CACNA2D3: variants seen among roughly 807,000 people sequenced by gnomAD.
CACNA2D3 encodes the protein calcium voltage-gated channel auxiliary subunit alpha2delta 3.
Under a neutral mutation model 160.6 loss-of-function variants are expected in CACNA2D3, and 60 were observed. The observed-to-expected ratio is 0.37, with a 90% CI of 0.30 to 0.46. The LOEUF is 0.46. CACNA2D3 is among the 20% of genes least tolerant of loss of function. CACNA2D3 has a pLI of 1.00. For synonymous variants in CACNA2D3, 558 were observed against 492.9 expected, an observed-to-expected ratio of 1.13 and a Z score of -1.75; for missense variants, 1,205 against 1,365.0, an observed-to-expected ratio of 0.88 and a Z score of 1.85.
intron 2 of CACNA2D3, among the ~76,000 whole-genome samples, chr3:54,244,722 A>C (rs1468627461): frequency 6.6e-6 from 1 of 152,264 alleles, no homozygotes; most frequent in Non-Finnish European, 1.5e-5. Context: ...CAAACATTTT[A>C]ATATTTAAAT....
chr3:54,182,775 C>T (rs1700806263), intron 2 of CACNA2D3, among the ~76,000 whole-genome samples: 1 of 152,152 alleles, frequency 6.6e-6, no homozygotes, highest in South Asian at 2.1e-4. Flanking sequence ...ATGGCAGAAA[C>T]TGCTTATCAT....
At chr3:54,309,716 C>G (rs1478631856) in intron 2 of CACNA2D3, among the ~76,000 whole-genome samples, 1 of 151,972 alleles carries the variant, frequency 6.6e-6, no homozygotes, top group Non-Finnish European at 1.5e-5. Flanking sequence ...GTCATTTAGA[C>G]CACACCGTTC....
intron 27 of CACNA2D3, chr3:54,925,262 G>A: frequency 6.7e-7 from 1 of 1,486,642 alleles, no homozygotes; most frequent in Middle Eastern, 1.7e-4. Context: ...TTTGTGAGGT[G>A]TGGTATCAGC....
At chr3:54,894,173 C>CT (rs1408058419) in intron 25 of CACNA2D3, among the ~76,000 whole-genome samples, 1 of 152,194 alleles carries the variant, frequency 6.6e-6, no homozygotes, top group Non-Finnish European at 1.5e-5. Flanking sequence ...CAGGAGGAGA[C>CT]TTTCACCTTA....
At chr3:54,764,464 T>C (rs545039619) in intron 13 of CACNA2D3, 113 bp downstream of exon 13, 1 of 1,319,582 alleles carries the variant, frequency 7.6e-7, no homozygotes, top group African/African-American at 1.5e-5. Flanking sequence ...CAGTGACACT[T>C]TTCTTGATTG....
rs187315657 is a variant in CACNA2D3 at position 54,766,734 on chromosome 3, C to G, written c.1380+2383C>G. Among the ~76,000 whole-genome samples, 191 of 152,068 alleles carry G rather than the reference C, an allele frequency of 1.3e-3. 1 individual carries two copies. Among genetic ancestry groups the G allele is most frequent in the Non-Finnish European group, 1.3e-3 (89 of 67,980 alleles). On this transcript the variant is annotated intron_variant, in intron 13 of 37. Coordinates refer to ENST00000474759, the MANE Select transcript of CACNA2D3 (RefSeq NM_018398.3). ...GATTGAATAGACTATGGTACCTACACCTAATGGAGTCAATATTAAAAACAA... is the reference window on the plus strand; with the variant it reads ...GATTGAATAGACTATGGTACCTACAGCTAATGGAGTCAATATTAAAAACAA...
Position 55,019,775 on chromosome 3 carries a change from C to T in CACNA2D3, c.2987+1458C>T, listed in dbSNP as rs1442900399. ...TTGTTGCACTATACTTCTGACACAT[C>T]GTTAAATAAAAGCGATGAGATTAGG... On this transcript the variant is annotated intron_variant, in intron 35 of 37. Transcript: ENST00000474759. Among the ~76,000 whole-genome samples the T allele has an allele frequency of 7.2e-5, 11 of 152,092 alleles. No individual in the cohort carries two copies. In the East Asian group the frequency reaches 1.9e-3, roughly 27 times the overall value.
chr3:54,472,532 C>G (rs1700752257), intron 4 of CACNA2D3, among the ~76,000 whole-genome samples: 1 of 152,126 alleles, frequency 6.6e-6, no homozygotes, highest in South Asian at 2.1e-4. Flanking sequence ...GAAGTTCTGG[C>G]TAGGGCAGTC....
At chr3:54,467,412 G>A (rs773944142) in intron 4 of CACNA2D3, among the ~76,000 whole-genome samples, 1 of 152,202 alleles carries the variant, frequency 6.6e-6, no homozygotes, top group African/African-American at 2.4e-5. Flanking sequence ...GAGAAGCTCA[G>A]GGATTGCCAA....
At chr3:54,568,579 T>A (rs1225674898) in intron 6 of CACNA2D3, among the ~76,000 whole-genome samples, 2 of 152,254 alleles carry the variant, frequency 1.3e-5, no homozygotes, top group African/African-American at 4.8e-5. Context: ...CCTGGCTTTA[T>A]GCAAAGCAAT....
At chr3:54,279,710 T>C (rs971342956) in intron 2 of CACNA2D3, among the ~76,000 whole-genome samples, 4 of 152,304 alleles carry the variant, frequency 2.6e-5, no homozygotes, top group South Asian at 4.1e-4. Context: ...GTCCTAATAA[T>C]TGAAACCATT....
At chr3:54,870,074 G>C (rs1699490592) in intron 17 of CACNA2D3, among the ~76,000 whole-genome samples, 1 of 152,126 alleles carries the variant, frequency 6.6e-6, no homozygotes, top group Non-Finnish European at 1.5e-5. Context: ...GTGAGGAGGG[G>C]GAGTCTCCAG....
chr3:54,534,974 C>A (rs1701865204), intron 5 of CACNA2D3, among the ~76,000 whole-genome samples: 1 of 152,184 alleles, frequency 6.6e-6, no homozygotes, highest in Admixed American at 6.6e-5. Flanking sequence ...TCTTCTCCGT[C>A]ATTCCCAATT....
chr3:54,615,908 G>A (rs1698839939), intron 9 of CACNA2D3, among the ~76,000 whole-genome samples: 1 of 152,172 alleles, frequency 6.6e-6, no homozygotes, highest in Non-Finnish European at 1.5e-5. Flanking sequence ...TTACAGGAGT[G>A]CAAACCTTAT....
At chr3:54,979,623 A>G (rs1193121130) in intron 29 of CACNA2D3, among the ~76,000 whole-genome samples, 1 of 152,188 alleles carries the variant, frequency 6.6e-6, no homozygotes, top group Non-Finnish European at 1.5e-5. Flanking sequence ...AAAGAAAAAT[A>G]TTACTTCAGT....
chr3:54,859,972 G>GCGCGCACACACA (rs535185040), intron 17 of CACNA2D3, among the ~76,000 whole-genome samples: 2,333 of 133,830 alleles, frequency 0.017, 43 homozygotes, highest in East Asian at 0.055. Context: ...GAAAGTAGAT[G>GCGCGCACACACA]CACACACACA....
intron 5 of CACNA2D3, among the ~76,000 whole-genome samples, chr3:54,516,873 A>G (rs1390820428): frequency 6.6e-6 from 1 of 152,118 alleles, no homozygotes; most frequent in African/African-American, 2.4e-5. Flanking sequence ...AGTGCCCCCA[A>G]AATCCAGATG....
At chr3:54,890,613 C>G (rs1700042626) in intron 24 of CACNA2D3, among the ~76,000 whole-genome samples, 1 of 152,032 alleles carries the variant, frequency 6.6e-6, no homozygotes, top group African/African-American at 2.4e-5. Flanking sequence ...AGAACACGCT[C>G]AAGCATATAG....
In CACNA2D3 at chr3:54,932,739, G is replaced by A. The variant is rs111397787; in HGVS notation, c.2449+32871G>A. On this transcript the variant is annotated intron_variant, in intron 27 of 37. Coordinates refer to ENST00000474759, the MANE Select transcript of CACNA2D3 (RefSeq NM_018398.3). ...CAATTGTAAGGTCTGCCTTGGTAAAGTCATGGCCAAGTGCTCCTCCATCCC... is the reference window on the plus strand; with the variant it reads ...CAATTGTAAGGTCTGCCTTGGTAAAATCATGGCCAAGTGCTCCTCCATCCC... Among the ~76,000 whole-genome samples the A allele has an allele frequency of 3.3e-3, 509 of 152,278 alleles. 1 individual carries two copies. The highest frequency in any genetic ancestry group is 0.012 in the African/African-American group (493 of 41,546).
Sources: gnomAD v4.1 joint callset for allele counts (sites outside exome capture counted in the v4.1 genomes callset) on GRCh38, gnomAD v4.1.1 for gene constraint, MANE v1.5 for transcripts, NCBI Gene and HGNC (gene_info 2026-07-23, HGNC 2026-07-21) for gene names.